The following ZSCAN5A variants were observed in gnomAD, a reference collection of about 807,000 sequenced individuals.
ZSCAN5A encodes zinc finger and SCAN domain containing 5A.
In ZSCAN5A, 12 loss-of-function variants were observed where a neutral mutation model predicts 23.7. That is an observed-to-expected ratio of 0.51 (90% confidence interval 0.32 to 0.82). ZSCAN5A has a LOEUF of 0.82. ZSCAN5A is among the 40% of genes least tolerant of loss of function. The pLI is 0.03. For synonymous variants in ZSCAN5A, 257 were observed against 239.9 expected (o/e 1.07, Z -0.66); for missense variants, 597 against 617.9 (o/e 0.97, Z 0.36).
At chr19:56,335,354 C>T (rs1182844045) in intron 2 of ZSCAN5A, among the ~76,000 whole-genome samples, 1 of 152,034 alleles carries the variant, frequency 6.6e-6, no homozygotes, top group African/African-American at 2.4e-5. Context: ...GATAATGGAA[C>T]CAATTTGGAA....
intron 2 of ZSCAN5A, among the ~76,000 whole-genome samples, chr19:56,276,510 T>TTTTTC (rs944063170): frequency 2.7e-5 from 4 of 149,102 alleles, no homozygotes; most frequent in African/African-American, 9.7e-5. Flanking sequence ...AGAGCTCTTT[T>TTTTTC]TTTTTTTTTC....
Position 56,231,996 on chromosome 19 carries a change from C to CTTTTCTTTTT in ZSCAN5A, c.-127-6824_-127-6823insAAAAAGAAAA, listed in dbSNP as rs1555793341. The stretch of plus-strand genomic sequence containing the variant: ...TCTTTTTTCTTTCTTTTTTTCTTTT[C>CTTTTCTTTTT]TTTTTTTTTGAGACAGTGTCTTGCT... On this transcript the variant is annotated intron_variant, in intron 2 of 5. Transcript: ENST00000683990. Among the ~76,000 whole-genome samples the CTTTTCTTTTT allele has an allele frequency of 3.0e-4, 38 of 124,976 alleles. 1 individual carries two copies. The highest frequency in any genetic ancestry group is 2.8e-3 in the East Asian group (12 of 4,360). 82.0% of individuals were successfully genotyped at this position (124,976 alleles called of 152,430 possible).
At chr19:56,243,732 A>G (rs1045669469) in intron 2 of ZSCAN5A, among the ~76,000 whole-genome samples, 1 of 152,048 alleles carries the variant, frequency 6.6e-6, no homozygotes, top group Non-Finnish European at 1.5e-5. Context: ...AATCCAGGGG[A>G]GCATTAGGAT....
At chr19:56,309,705 C>A (rs1170348185) in intron 2 of ZSCAN5A, among the ~76,000 whole-genome samples, 2 of 152,192 alleles carry the variant, frequency 1.3e-5, no homozygotes, top group Admixed American at 6.5e-5. Flanking sequence ...CCCAGCCAGG[C>A]CTGGGCAGTC....
intron 2 of ZSCAN5A, among the ~76,000 whole-genome samples, chr19:56,258,475 A>G (rs28648011): frequency 1.8e-3 from 231 of 130,470 alleles, no homozygotes; most frequent in African/African-American, 7.3e-3. Context: ...GGGGGGTGAC[A>G]GAGACGCCTT....
chr19:56,317,915 G>A (rs2041334458), upstream of ZSCAN5A: 1 of 152,254 alleles, frequency 6.6e-6, no homozygotes, highest in South Asian at 2.1e-4. Context: ...TTTCATCATA[G>A]GCCAGGAAGG....
rs181061285 is a variant in ZSCAN5A at position 56,347,659 on chromosome 19, G to A, written c.-358+15576C>T. The A allele has an allele frequency of 3.3e-5, 5 of 152,330 alleles. No homozygotes were observed. The East Asian group carries it at 9.6e-4, about 29-fold the overall frequency. The allele number at this position is 152,330 out of a possible 1,614,324, so 9.4% of individuals were successfully genotyped here. A position where few individuals can be genotyped will look rare whatever the true frequency, so the allele number is the denominator to read the frequency against. ...GCCTTTATGGAAAGGCACTAATAGA[G>A]TATACCTCCTTATCCCGTAATTCAG... is the stretch of plus-strand genomic sequence containing the variant. On this transcript the variant is annotated intron_variant, in intron 2 of 6. Coordinates refer to the ZSCAN5A transcript ENST00000587340.
At chr19:56,332,210 GTTTC>G (rs1040080856) in intron 2 of ZSCAN5A, among the ~76,000 whole-genome samples, 31 of 152,110 alleles carry the variant, frequency 2.0e-4, no homozygotes, top group Non-Finnish European at 2.4e-4. Context: ...TTAAGTCCAG[GTTTC>G]TTTGTTAGTT....
At chr19:56,344,234 A>G (rs531847888) in intron 2 of ZSCAN5A, among the ~76,000 whole-genome samples, 1 of 152,362 alleles carries the variant, frequency 6.6e-6, no homozygotes, top group South Asian at 2.1e-4. Context: ...CCTTTCCCAA[A>G]ACCAACTTCC....
intron 2 of ZSCAN5A, among the ~76,000 whole-genome samples, chr19:56,300,302 A>T (rs2147245289): frequency 6.6e-6 from 1 of 152,364 alleles, no homozygotes; most frequent in Admixed American, 6.5e-5. Flanking sequence ...GATAAACAAC[A>T]GCTAGTCCTC....
intron 2 of ZSCAN5A, among the ~76,000 whole-genome samples, chr19:56,362,935 C>T (rs1473435215): frequency 2.0e-5 from 3 of 151,400 alleles, no homozygotes; most frequent in Non-Finnish European, 4.4e-5. Context: ...ACTGCCTGTA[C>T]CATTTTTACA....
Position 56,221,989 on chromosome 19 carries a change from G to C in ZSCAN5A, c.1077C>G (p.Asp359Glu), listed in dbSNP as rs144472423. The change falls in exon 6 of 6, where the codon GAC becomes GAG. Residue 359 changes from aspartate to glutamate, a missense_variant. Physicochemically the swap from Asp to Glu is conservative, Grantham distance 45. Coordinates refer to ENST00000683990, the MANE Select transcript of ZSCAN5A (RefSeq NM_001322064.3). ...TACACGTAAACCTCTTCTCGCACAC[G>C]TCACATGCAAAGGGCGGCAGTGCCT... ...EAKALPPFACDVCEKRFTCNS... is the reference protein window; with the variant it reads ...EAKALPPFACEVCEKRFTCNS... 1.9e-6 allele frequency: 3 copies of C among 1,614,208 alleles called. No individual in the cohort carries two copies. Among genetic ancestry groups the C allele is most frequent in the South Asian group, 2.2e-5 (2 of 91,086 alleles).
chr19:56,223,010 G>C (rs567856385), intron 4 of ZSCAN5A, among the ~76,000 whole-genome samples: 2 of 152,086 alleles, frequency 1.3e-5, no homozygotes, highest in South Asian at 4.2e-4. Flanking sequence ...ATTTCTCCCC[G>C]CCGTGCCAAC....
At chr19:56,223,598 C>A (rs772201358) in intron 4 of ZSCAN5A, 33 bp downstream of exon 4, 97 of 1,609,544 alleles carry the variant, frequency 6.0e-5, no homozygotes, top group Middle Eastern at 1.7e-4. Context: ...CTTCTCCCAC[C>A]TCTGCCCAGA....
intron 2 of ZSCAN5A, among the ~76,000 whole-genome samples, chr19:56,303,894 C>T (rs1286158265): frequency 2.6e-5 from 4 of 152,136 alleles, no homozygotes; most frequent in African/African-American, 9.7e-5. Context: ...GCAAGCAAAG[C>T]AGGCATGCAC....
chr19:56,269,305 T>C (rs143436883), intron 2 of ZSCAN5A, among the ~76,000 whole-genome samples: 1 of 152,184 alleles, frequency 6.6e-6, no homozygotes, highest in South Asian at 2.1e-4. Context: ...CATTCACAAT[T>C]ATATGGCATA....
At chr19:56,237,078 A>G (rs2034993259) in intron 2 of ZSCAN5A, among the ~76,000 whole-genome samples, 1 of 152,288 alleles carries the variant, frequency 6.6e-6, no homozygotes, top group African/African-American at 2.4e-5. Context: ...TAAAAACCCT[A>G]ATTGAGGAAG....
intron 2 of ZSCAN5A, among the ~76,000 whole-genome samples, chr19:56,323,250 C>T (rs931767442): frequency 6.6e-6 from 1 of 152,104 alleles, no homozygotes; most frequent in South Asian, 2.1e-4. Context: ...ACTCAGAGTG[C>T]GCTGGCACAA....
intron 2 of ZSCAN5A, among the ~76,000 whole-genome samples, chr19:56,343,900 A>C (rs1568761201): frequency 6.6e-6 from 1 of 152,232 alleles, no homozygotes. Context: ...TATTTTGTTG[A>C]AAAATACCCA....
Sources: allele counts gnomAD v4.1 joint callset (sites outside exome capture counted in the v4.1 genomes callset), GRCh38; gene constraint gnomAD v4.1.1; transcripts MANE v1.5; gene names NCBI Gene and HGNC (gene_info 2026-07-23, HGNC 2026-07-21).